Variants in CEP192 observed in about 807,000 individuals in gnomAD.
CEP192 encodes centrosomal protein 192, also known as centrosomal protein of 192 kDa.
Under a neutral mutation model 271.8 loss-of-function variants are expected in CEP192, and 151 were observed. The ratio of observed to expected loss-of-function variants is 0.56; its 90% confidence interval spans 0.49 to 0.64. CEP192 has a LOEUF of 0.64. Ranked by LOEUF, CEP192 falls within the 30% of genes least tolerant of loss-of-function variation. The pLI, the probability that CEP192 is intolerant of heterozygous loss-of-function variation, is 0.00. For missense variants in CEP192, 2,910 were observed against 3,020.5 expected (o/e 0.96, Z 0.86); for synonymous variants, 995 against 1,076.5 (o/e 0.92, Z 1.48).
chr18:13,109,679 C>T (rs1013654143), intron 40 of CEP192, among the ~76,000 whole-genome samples: 1 of 149,214 alleles, frequency 6.7e-6, no homozygotes, highest in South Asian at 2.1e-4. Flanking sequence ...AATAATAAAT[C>T]CAAAGAAAGA....
In CEP192 at chr18:13,124,757, T is replaced by C; in HGVS notation, c.7601T>C (p.Leu2534Pro). Residue 2534 changes from leucine to proline, a missense_variant, in exon 45 of 45, where the codon CTT becomes CCT. By Grantham distance (98) the Leu-to-Pro change is moderately conservative. Transcript: ENST00000506447. ...SIAIRLIGEA[L>P]GKN is the part of the protein sequence containing the mutation. ...GCTATTCGACTAATTGGTGAAGCTC[T>C]TGGAAAAAATTAACTAGAATACATT... 2 of 1,604,370 alleles carry C rather than the reference T, an allele frequency of 1.2e-6. No homozygotes were observed. The highest frequency in any genetic ancestry group is 8.5e-7 in the Non-Finnish European group (1 of 1,172,544).
intron 20 of CEP192, chr18:13,058,713 G>C: frequency 4.9e-6 from 1 of 203,050 alleles, no homozygotes; most frequent in Non-Finnish European, 1.0e-5. Context: ...TCAGCGGTTA[G>C]CCTGACTCTT....
At chr18:13,025,220 A>C (rs1399497288) in intron 9 of CEP192, among the ~76,000 whole-genome samples, 5 of 151,366 alleles carry the variant, frequency 3.3e-5, no homozygotes, top group Admixed American at 2.0e-4. Context: ...TATTATTATT[A>C]TTATTATTAC....
At position 13,096,138 on chromosome 18, in the gene CEP192, C is replaced by T. The variant is rs776079919; in HGVS notation, c.6434-46C>T. Reference sequence around the variant, plus strand: ...ATTAGTTGTTAATATTTGTCTTTTTCACTGTTGTTAAATGTAAGTCACATT... The same window carrying T: ...ATTAGTTGTTAATATTTGTCTTTTTTACTGTTGTTAAATGTAAGTCACATT... On this transcript the variant is annotated intron_variant, in intron 35 of 44. Transcript: ENST00000506447. The T allele has an allele frequency of 7.5e-6, 12 of 1,595,402 alleles. No individual in the cohort carries two copies. The South Asian group carries it at 1.3e-4, about 18-fold the overall frequency.
At chr18:13,078,654 C>CT (rs1263057733) in intron 30 of CEP192, among the ~76,000 whole-genome samples, 1 of 151,948 alleles carries the variant, frequency 6.6e-6, no homozygotes, top group South Asian at 2.1e-4. Context: ...TGTTGTTATA[C>CT]TTTAAGTTCT....
At chr18:13,031,551 G>C (rs1005262438) in intron 11 of CEP192, among the ~76,000 whole-genome samples, 2 of 152,010 alleles carry the variant, frequency 1.3e-5, no homozygotes, top group African/African-American at 4.8e-5. Context: ...CCGGCCACCT[G>C]GCCTTATTGT....
intron 42 of CEP192, among the ~76,000 whole-genome samples, chr18:13,114,687 A>G (rs767689511): frequency 2.6e-5 from 4 of 152,186 alleles, no homozygotes; most frequent in South Asian, 4.1e-4. Flanking sequence ...TTAAGGTGCT[A>G]TGAATATTAC....
At chr18:13,010,221 G>A (rs932231627) in intron 4 of CEP192, among the ~76,000 whole-genome samples, 2 of 152,078 alleles carry the variant, frequency 1.3e-5, no homozygotes, top group African/African-American at 4.8e-5. Flanking sequence ...TTCCTCTTAA[G>A]TACTCCACAT....
At chr18:13,008,309 A>G (rs559598733) in intron 3 of CEP192, 147 bp from the exon 4 acceptor site, 2 of 626,004 alleles carry the variant, frequency 3.2e-6, no homozygotes, top group East Asian at 2.8e-5. Context: ...TAGCAGTTGT[A>G]GTTTTCTGGC....
At chr18:13,116,332 C>G (rs752650260) in intron 42 of CEP192, 45 bp from the exon 43 acceptor site, 12 of 1,585,494 alleles carry the variant, frequency 7.6e-6, no homozygotes, top group Non-Finnish European at 1.0e-5. Flanking sequence ...GTTTAAGTTA[C>G]TGTGGATTTC....
Position 13,017,187 on chromosome 18 carries a change from G to A in CEP192, c.641-1G>A, listed in dbSNP as rs1400386715. ...CTGTTTTTTCTCGATTTTATCAATA[G>A]ATGATGATATTGATGATGAAATGTT... is the stretch of plus-strand genomic sequence containing the variant. On this transcript the variant is annotated splice_acceptor_variant, in intron 6 of 44. Coordinates refer to ENST00000506447, the MANE Select transcript of CEP192 (RefSeq NM_032142.4). LOFTEE classifies it high-confidence loss of function. 1 of 1,537,268 alleles carries A rather than the reference G, an allele frequency of 6.5e-7. No individual in the cohort carries two copies. The highest frequency in any genetic ancestry group is 8.8e-7 in the Non-Finnish European group (1 of 1,141,962).
chr18:13,063,429 T>C (rs550362919), intron 21 of CEP192, among the ~76,000 whole-genome samples: 1 of 152,238 alleles, frequency 6.6e-6, no homozygotes, highest in African/African-American at 2.4e-5. Context: ...TAAGATGATA[T>C]TTCATTGTAG....
intron 6 of CEP192, among the ~76,000 whole-genome samples, chr18:13,016,681 C>T (rs2034664623): frequency 6.6e-6 from 1 of 152,140 alleles, no homozygotes; most frequent in Admixed American, 6.5e-5. Context: ...GTGACATTGC[C>T]AACTTAGAAG....
rs547444864 is a variant in CEP192, at chr18:13,021,756, C to T, written c.1050+2550C>T. Among the ~76,000 whole-genome samples the T allele has an allele frequency of 1.3e-4, 20 of 152,194 alleles. No homozygotes were observed. The South Asian group carries it at 2.1e-3, about 16-fold the overall frequency. On this transcript the variant is annotated intron_variant, in intron 9 of 44. Transcript: ENST00000506447. ...TTCATGAAGACACAGGATGTGTGTC[C>T]GTTTAGGTCTTTAGGTCTTCTTTCT...
At position 13,114,161 on chromosome 18, in the gene CEP192, C is replaced by T; in HGVS notation, c.7199C>T (p.Ala2400Val). ...SIEAENEPEN[A>V]CLSTDSLIKI... is the part of the protein sequence containing the mutation. ...GAAGCAGAAAATGAGCCTGAAAACG[C>T]ATGCCTTTCCACGGATTCCCTCATT... The change falls in exon 42 of 45, where the codon GCA (alanine) becomes GTA (valine). Residue 2400 changes from alanine to valine, a missense_variant. By Grantham distance (64) the Ala-to-Val change is moderately conservative. Coordinates refer to ENST00000506447, the MANE Select transcript of CEP192 (RefSeq NM_032142.4). 6.2e-7 allele frequency: 1 copy of T among 1,614,000 alleles called. No individual in the cohort carries two copies. The highest frequency in any genetic ancestry group is 1.1e-5 in the South Asian group (1 of 91,056).
chr18:13,082,783 T>A (rs12953783), intron 30 of CEP192, among the ~76,000 whole-genome samples: 39,056 of 151,856 alleles, frequency 0.26, 5,992 homozygotes, highest in Admixed American at 0.36. Flanking sequence ...CCATGTTTAG[T>A]GCTTCCTTCA....
intron 9 of CEP192, among the ~76,000 whole-genome samples, chr18:13,020,558 G>A (rs1432413011): frequency 2.0e-5 from 3 of 152,032 alleles, no homozygotes; most frequent in Admixed American, 6.6e-5. Flanking sequence ...ATACCTGTTC[G>A]AGTCCTAGCT....
rs1434973122 is a variant in CEP192 at position 13,072,859 on chromosome 18, G to A, written c.5439+14G>A. The A allele has an allele frequency of 5.7e-6, 9 of 1,586,430 alleles. No individual in the cohort carries two copies. The highest frequency in any genetic ancestry group is 1.7e-4 in the Middle Eastern group (1 of 6,010). On this transcript the variant is annotated intron_variant, in intron 29 of 44. Coordinates refer to ENST00000506447, the MANE Select transcript of CEP192 (RefSeq NM_032142.4). ...GACTGCTTTCAGGTTCGTAGAGTAC[G>A]TGGATTCTTGTTATGTCTTCTGTCT... is the stretch of plus-strand genomic sequence containing the variant.
Position 13,049,321 on chromosome 18 carries a change from AT to A in CEP192, c.2532del (p.Ile844MetfsTer18). Reference protein sequence around the residue: ...VRAPEENTAAIVYVENGESEN... With the variant: ...VRAPEENTAAXVYVENGESEN... ...GGCACCAGAAGAAAACACAGCAGCT[AT>A]TGTTTATGTTGAAAATGGAGAGAGT... is the stretch of plus-strand genomic sequence containing the variant. On this transcript the variant is annotated frameshift_variant, in exon 16 of 45. Transcript: ENST00000506447. LOFTEE classifies it high-confidence loss of function. The A allele has an allele frequency of 6.2e-7, 1 of 1,614,158 alleles. No homozygotes were observed. The highest frequency in any genetic ancestry group is 8.5e-7 in the Non-Finnish European group (1 of 1,179,990).
Sources: allele counts gnomAD v4.1 joint callset (sites outside exome capture counted in the v4.1 genomes callset), GRCh38; gene constraint gnomAD v4.1.1; transcripts MANE v1.5; gene names NCBI Gene and HGNC (gene_info 2026-07-23, HGNC 2026-07-21).